Variants in GZF1 observed in about 807,000 individuals in gnomAD.
GZF1 encodes the protein GDNF inducible zinc finger protein 1, also known as GDNF-inducible zinc finger protein 1.
Under a neutral mutation model 49.4 loss-of-function variants are expected in GZF1, and 28 were observed. That is an observed-to-expected ratio of 0.57 (90% CI 0.42 to 0.78). GZF1 has a LOEUF of 0.78. Among genes scored for constraint, GZF1 ranks in the 30% least tolerant of loss-of-function variants. The pLI is 0.00. For missense variants in GZF1, 798 were observed against 916.2 expected, an observed-to-expected ratio of 0.87 and a Z score of 1.67; for synonymous variants, 364 against 356.0, an observed-to-expected ratio of 1.02 and a Z score of -0.25.
chr20:23,364,723 G>A lies in GZF1; in HGVS notation c.340G>A (p.Glu114Lys). ...DRVQRMLEVA[E>K]KLKCLDLSET... Reference sequence around the variant, plus strand: ...GGTGCAGCGAATGCTGGAAGTGGCTGAAAAGCTGAAATGTTTGGATTTATC... The same window carrying A: ...GGTGCAGCGAATGCTGGAAGTGGCTAAAAAGCTGAAATGTTTGGATTTATC... Residue 114 changes from glutamate to lysine, a missense_variant, in exon 2 of 6, where the codon GAA becomes AAA. By Grantham distance (56) the Glu-to-Lys change is moderately conservative (BLOSUM62 1). Coordinates refer to ENST00000338121, the MANE Select transcript of GZF1 (RefSeq NM_022482.5). The A allele has an allele frequency of 1.2e-6, 2 of 1,614,244 alleles. No individual in the cohort carries two copies. The highest frequency in any genetic ancestry group is 2.2e-5 in the South Asian group (2 of 91,084).
At position 23,370,099 on chromosome 20, in the gene GZF1, TAAG is replaced by T; in HGVS notation, c.1797_1799del (p.Lys599del). The T allele has an allele frequency of 6.2e-7, 1 of 1,613,548 alleles. No homozygotes were observed. Among genetic ancestry groups the T allele is most frequent in the Non-Finnish European group, 8.5e-7 (1 of 1,179,398 alleles). On this transcript the variant is annotated inframe_deletion, in exon 6 of 6. Coordinates refer to ENST00000338121, the MANE Select transcript of GZF1 (RefSeq NM_022482.5). ...TTGTGTTTAACTTATAGATACACGA[TAAG>T]AATACTCCATGGAAGTCTTTCCTTG...
chr20:23,369,735 C>T lies in GZF1; in HGVS notation c.1779C>T (p.His593=), dbSNP rs753142236. 4.3e-6 allele frequency: 7 copies of T among 1,609,804 alleles called. No individual in the cohort carries two copies. The highest frequency in any genetic ancestry group is 3.4e-6 in the Non-Finnish European group (4 of 1,177,718). The change falls in exon 5 of 6, where the codon CAC becomes CAT. Residue 593 remains histidine, a synonymous_variant. Transcript: ENST00000338121. ...CCGACAAGTCCACTCTTCGGCGGCACACCTCAGTAAGCAGTGGGTTGGCTT... is the reference window on the plus strand; with the variant it reads ...CCGACAAGTCCACTCTTCGGCGGCATACCTCAGTAAGCAGTGGGTTGGCTT... The part of the protein sequence containing the change: ...TFTDKSTLRR[H]TSIHDKNTPW...
chr20:23,362,009 C>G (rs1980706899), upstream of GZF1, among the ~76,000 whole-genome samples: 1 of 152,188 alleles, frequency 6.6e-6, no homozygotes, highest in African/African-American at 2.4e-5. Flanking sequence ...CGTCGCCAGT[C>G]AGTCGCGCGG....
chr20:23,369,835 G>A, intron 5 of GZF1, 94 bp downstream of exon 5: 6 of 1,362,068 alleles, frequency 4.4e-6, no homozygotes, highest in Non-Finnish European at 6.1e-6. Context: ...GGTGGTTAGA[G>A]GTCGAGACAA....
At position 23,370,689 on chromosome 20, in the gene GZF1, A is replaced by G. The variant is rs1457555027; in HGVS notation, c.*248A>G. ...AAAGGCAGTGAACATAACCTCACTTAATTCTGGTGTAGGGTGTATGTGCTA... is the reference window on the plus strand; with the variant it reads ...AAAGGCAGTGAACATAACCTCACTTGATTCTGGTGTAGGGTGTATGTGCTA... On this transcript the variant is annotated 3_prime_UTR_variant, in exon 6 of 6. Transcript: ENST00000338121. The G allele has an allele frequency of 1.6e-5, 8 of 497,392 alleles. No individual in the cohort carries two copies. Among genetic ancestry groups the G allele is most frequent in the Non-Finnish European group, 2.9e-5 (8 of 278,406 alleles). The allele number at this position is 497,392 out of a possible 1,614,324, so 30.8% of individuals were successfully genotyped here. A position where few individuals can be genotyped will look rare whatever the true frequency, so the allele number is the denominator to read the frequency against.
In GZF1 at chr20:23,364,899, T is replaced by C; in HGVS notation, c.516T>C (p.Pro172=). ...APRASVATDG[P]HPSGLTDSLD... Reference sequence around the variant, plus strand: ...GGGCAAGTGTGGCCACCGATGGCCCTCACCCCAGTGGTCTCACGGATTCCT... The same window carrying C: ...GGGCAAGTGTGGCCACCGATGGCCCCCACCCCAGTGGTCTCACGGATTCCT... The change falls in exon 2 of 6, where the codon CCT becomes CCC. Residue 172 remains proline (P), a synonymous_variant. Transcript: ENST00000338121. 1 of 1,614,198 alleles carries C rather than the reference T, an allele frequency of 6.2e-7. No individual in the cohort carries two copies. Among genetic ancestry groups the C allele is most frequent in the Non-Finnish European group, 8.5e-7 (1 of 1,180,036 alleles).
Position 23,365,196 on chromosome 20 carries a change from G to T in GZF1, c.813G>T (p.Thr271=). 4 of 1,607,134 alleles carry T rather than the reference G, an allele frequency of 2.5e-6. No individual in the cohort carries two copies. Among genetic ancestry groups the T allele is most frequent in the Middle Eastern group, 1.7e-4 (1 of 6,016 alleles). ...PQDQSPDRVG[T]EMEQVSKNEG... is the part of the protein sequence containing the mutation. ...ACCAAAGCCCGGACAGGGTGGGCAC[G>T]GAGATGGAGCAGGTTTCCAAAAATG... Residue 271 remains threonine, a synonymous_variant, in exon 2 of 6, where the codon ACG becomes ACT. Transcript: ENST00000338121.
At chr20:23,366,421 T>TTA (rs1981399475) in intron 2 of GZF1, among the ~76,000 whole-genome samples, 1 of 152,188 alleles carries the variant, frequency 6.6e-6, no homozygotes, top group African/African-American at 2.4e-5. Flanking sequence ...TTACTCTATA[T>TTA]AATAAGTTAA....
At chr20:23,369,981 G>A in intron 5 of GZF1, 110 bp from the exon 6 acceptor site, 1 of 1,001,630 alleles carries the variant, frequency 1.0e-6, no homozygotes, top group Non-Finnish European at 1.5e-6. Flanking sequence ...TGGCAGGCGG[G>A]TACTTATTAG....
Position 23,371,024 on chromosome 20 carries a change from C to G in GZF1, c.*583C>G, listed in dbSNP as rs1028011047. On this transcript the variant is annotated 3_prime_UTR_variant, in exon 6 of 6. Transcript: ENST00000338121. ...TTGTTGCATTCATTCCTCCCCACCCCCCATTTGTAGGCAGTAAACAAAGTA... is the reference window on the plus strand; with the variant it reads ...TTGTTGCATTCATTCCTCCCCACCCGCCATTTGTAGGCAGTAAACAAAGTA... 4 of 151,418 alleles carry G rather than the reference C, an allele frequency of 2.6e-5. No individual in the cohort carries two copies. Among genetic ancestry groups the G allele is most frequent in the Non-Finnish European group, 4.4e-5 (3 of 68,686 alleles). The allele number at this position is 151,418 out of a possible 1,614,324, so 9.4% of individuals were successfully genotyped here. A position where few individuals can be genotyped will look rare whatever the true frequency, so the allele number is the denominator to read the frequency against.
At chr20:23,370,022 C>T in intron 5 of GZF1, 69 bp from the exon 6 acceptor site, 1 of 1,315,704 alleles carries the variant, frequency 7.6e-7, no homozygotes, top group South Asian at 1.2e-5. Flanking sequence ...TGTAGAGGGA[C>T]TATTGTTTTA....
At position 23,368,834 on chromosome 20, in the gene GZF1, G is replaced by A; in HGVS notation, c.1532G>A (p.Arg511Lys). ...ASKEYLKHHN[R>K]IHTGSKPFKC... The stretch of plus-strand genomic sequence containing the variant: ...AAGGAGTACTTAAAACACCACAATA[G>A]AATCCATACTGGATCCAAACCCTTT... Residue 511 changes from arginine (R) to lysine (K), a missense_variant, in exon 4 of 6, where the codon AGA (arginine) becomes AAA (lysine). Arg to Lys is a conservative substitution (Grantham distance 26, BLOSUM62 2). Around this residue, in one of 3 missense-constraint regions of GZF1, gnomAD observed 446 missense variants for 540.1 expected, o/e 0.83. Transcript: ENST00000338121. The A allele has an allele frequency of 1.2e-6, 2 of 1,613,932 alleles. No individual in the cohort carries two copies. The highest frequency in any genetic ancestry group is 1.7e-6 in the Non-Finnish European group (2 of 1,179,906).
At chr20:23,363,871 C>T (rs1034981542) in intron 1 of GZF1, among the ~76,000 whole-genome samples, 8 of 152,222 alleles carry the variant, frequency 5.3e-5, no homozygotes, top group Non-Finnish European at 1.0e-4. Flanking sequence ...AAGAAGTTTT[C>T]CTCATGGAAA....
chr20:23,369,829 G>C lies in GZF1; in HGVS notation c.1785+88G>C. On this transcript the variant is annotated intron_variant, in intron 5 of 5. Transcript: ENST00000338121. ...ATACCTACCACCATTCTCCAAGGTG[G>C]TTAGAGGTCGAGACAACAGGTACTT... 5 of 1,413,786 alleles carry C rather than the reference G, an allele frequency of 3.5e-6. No homozygotes were observed. In the South Asian group the frequency reaches 5.3e-5, roughly 15 times the overall value. The allele number at this position is 1,413,786 out of a possible 1,614,324, so 87.6% of individuals were successfully genotyped here.
intron 3 of GZF1, among the ~76,000 whole-genome samples, chr20:23,368,331 T>G (rs900467605): frequency 6.6e-6 from 1 of 152,062 alleles, no homozygotes; most frequent in African/African-American, 2.4e-5. Context: ...TTCAATCAAG[T>G]TGATTGGAGT....
intron 2 of GZF1, 39 bp downstream of exon 2, chr20:23,365,786 G>A (rs1336965159): frequency 6.8e-6 from 10 of 1,474,804 alleles, no homozygotes; most frequent in Non-Finnish European, 6.3e-6. Flanking sequence ...CTGCGCACTG[G>A]AAGGGTGTGT....
At position 23,364,948 on chromosome 20, in the gene GZF1, A is replaced by G; in HGVS notation, c.565A>G (p.Ser189Gly). 6.2e-7 allele frequency: 1 copy of G among 1,614,262 alleles called. No homozygotes were observed. Among genetic ancestry groups the G allele is most frequent in the Non-Finnish European group, 8.5e-7 (1 of 1,180,048 alleles). The change falls in exon 2 of 6, where the codon AGC (serine) becomes GGC (glycine). Residue 189 changes from serine to glycine, a missense_variant. By Grantham distance (56) the Ser-to-Gly change is moderately conservative. Coordinates refer to ENST00000338121, the MANE Select transcript of GZF1 (RefSeq NM_022482.5). ...CTTGGACTACCCAGGAGAGAGAGCC[A>G]GCAATGGCATGTCTTCAGATTTGCC... is the stretch of plus-strand genomic sequence containing the variant. The part of the protein sequence containing the change: ...DSLDYPGERA[S>G]NGMSSDLPPK...
rs1424133776 is a variant in GZF1 at position 23,368,869 on chromosome 20, G to A, written c.1567G>A (p.Val523Ile). ...HTGSKPFKCE[V>I]CFRTFAQRNS... ...TGGATCCAAACCCTTTAAATGTGAA[G>A]TATGTTTCAGGACTTTTGCCCAGCG... The change falls in exon 4 of 6, where the codon GTA becomes ATA. Residue 523 changes from valine to isoleucine, a missense_variant. Val to Ile is a conservative substitution (Grantham distance 29, BLOSUM62 3). Coordinates refer to ENST00000338121, the MANE Select transcript of GZF1 (RefSeq NM_022482.5). The A allele has an allele frequency of 6.2e-7, 1 of 1,613,902 alleles. No individual in the cohort carries two copies. The highest frequency in any genetic ancestry group is 1.7e-5 in the Admixed American group (1 of 59,994).
rs1982150917 is a variant in GZF1 at position 23,372,317 on chromosome 20, A to T, written c.*1876A>T. 6.6e-6 allele frequency: 1 copy of T among 152,424 alleles called. No individual in the cohort carries two copies. Among genetic ancestry groups the T allele is most frequent in the East Asian group, 1.9e-4 (1 of 5,202 alleles). The allele number at this position is 152,424 out of a possible 1,614,324, so 9.4% of individuals were successfully genotyped here. A position where few individuals can be genotyped will look rare whatever the true frequency, so the allele number is the denominator to read the frequency against. ...TAGGTTCTGCAGAAATATGATTCTT[A>T]ATTGAAACATATAATTTGCTTAATT... On this transcript the variant is annotated 3_prime_UTR_variant, in exon 6 of 6. Coordinates refer to ENST00000338121, the MANE Select transcript of GZF1 (RefSeq NM_022482.5).
Sources: gnomAD v4.1 joint callset for allele counts (sites outside exome capture counted in the v4.1 genomes callset) on GRCh38, gnomAD v4.1.1 for gene constraint, gnomAD v4.1.1 regional missense constraint, MANE v1.5 for transcripts, NCBI Gene and HGNC (gene_info 2026-07-23, HGNC 2026-07-21) for gene names.